The following ARL15 variants were observed in gnomAD, a reference collection of about 807,000 sequenced individuals.
ARL15 encodes ADP-ribosylation factor-like protein 15.
ARL15 carries 19 observed loss-of-function variants against 25.2 expected under a neutral mutation model. That is an observed-to-expected ratio of 0.75 (90% CI 0.53 to 1.10). ARL15 has a LOEUF of 1.10. Among genes scored for constraint, ARL15 ranks in the 50% least tolerant of loss-of-function variants. The pLI, the probability that ARL15 is intolerant of heterozygous loss-of-function variation, is 0.00. For synonymous variants in ARL15, 94 were observed against 86.8 expected (o/e 1.08, Z -0.46); for missense variants, 220 against 246.0 (o/e 0.89, Z 0.71).
chr5:53,961,391 G>C (rs535987490), intron 4 of ARL15, among the ~76,000 whole-genome samples: 1 of 151,274 alleles, frequency 6.6e-6, no homozygotes, highest in Admixed American at 6.6e-5. Context: ...CCAGCTACTC[G>C]GGAGGCTGAG....
intron 1 of ARL15, among the ~76,000 whole-genome samples, chr5:54,178,920 G>T (rs552712430): frequency 6.6e-6 from 1 of 152,292 alleles, no homozygotes; most frequent in East Asian, 1.9e-4. Context: ...AGGAGACATT[G>T]GGAGGGGCGG....
chr5:54,255,838 A>C (rs1195175696), intron 1 of ARL15, among the ~76,000 whole-genome samples: 4 of 152,242 alleles, frequency 2.6e-5, no homozygotes, highest in Admixed American at 2.0e-4. Context: ...TAACAAATCA[A>C]GATGGAAATT....
chr5:53,909,326 C>T (rs1745376943), intron 4 of ARL15, among the ~76,000 whole-genome samples: 1 of 152,168 alleles, frequency 6.6e-6, no homozygotes, highest in Non-Finnish European at 1.5e-5. Flanking sequence ...AGATTATTAA[C>T]TTTTATATAT....
intron 4 of ARL15, among the ~76,000 whole-genome samples, chr5:54,068,678 T>G (rs1412823457): frequency 6.6e-6 from 1 of 152,178 alleles, no homozygotes; most frequent in African/African-American, 2.4e-5. Flanking sequence ...CTGCAGTAAA[T>G]TTATCCTAAT....
At chr5:54,298,790 G>A (rs1758536014) in intron 1 of ARL15, among the ~76,000 whole-genome samples, 1 of 151,986 alleles carries the variant, frequency 6.6e-6, no homozygotes, top group Non-Finnish European at 1.5e-5. Flanking sequence ...TTCCTGGAAA[G>A]TCTCTATCCT....
intron 4 of ARL15, among the ~76,000 whole-genome samples, chr5:54,073,835 G>C (rs1356925695): frequency 6.6e-6 from 1 of 152,192 alleles, no homozygotes; most frequent in Non-Finnish European, 1.5e-5. Context: ...AGCCAGGTGG[G>C]AATGTAGCAG....
intron 1 of ARL15, among the ~76,000 whole-genome samples, chr5:54,260,439 A>G (rs1757473018): frequency 6.6e-6 from 1 of 152,196 alleles, no homozygotes; most frequent in Non-Finnish European, 1.5e-5. Context: ...TATGCTGTTC[A>G]GAGTCTGGTC....
In ARL15 at chr5:54,145,635, T is replaced by C. The variant is rs186495192; in HGVS notation, c.253+8945A>G. Among the ~76,000 whole-genome samples, 85 of 152,278 alleles carry C rather than the reference T, an allele frequency of 5.6e-4. No homozygotes were observed. The East Asian group carries it at 0.014, about 25-fold the overall frequency. On this transcript the variant is annotated intron_variant, in intron 3 of 4. Coordinates refer to ENST00000504924, the MANE Select transcript of ARL15 (RefSeq NM_019087.3). ...GTGTGTGTGTGTGTGTGCGTGCGTG[T>C]GTGTGTGTGTTCACCCACACCTGGG...
intron 1 of ARL15, among the ~76,000 whole-genome samples, chr5:54,237,301 C>A (rs764300027): frequency 6.6e-6 from 1 of 152,204 alleles, no homozygotes; most frequent in Non-Finnish European, 1.5e-5. Context: ...GAGGCCTCAC[C>A]TGCCATGTGG....
intron 4 of ARL15, among the ~76,000 whole-genome samples, chr5:54,027,706 G>A (rs1432190418): frequency 2.6e-5 from 4 of 151,864 alleles, no homozygotes; most frequent in Admixed American, 6.6e-5. Flanking sequence ...TGCAGCACAC[G>A]GGGAACTTTT....
chr5:54,212,945 T>A (rs371293192), intron 1 of ARL15, among the ~76,000 whole-genome samples: 1 of 152,116 alleles, frequency 6.6e-6, no homozygotes, highest in African/African-American at 2.4e-5. Context: ...ACTGGAAAAA[T>A]AAAGTTGTTA....
chr5:53,982,219 A>G (rs914386642), intron 4 of ARL15, among the ~76,000 whole-genome samples: 1 of 150,482 alleles, frequency 6.6e-6, no homozygotes, highest in Admixed American at 6.6e-5. Context: ...TCTGGGATAC[A>G]TACATGTGCA....
intron 4 of ARL15, among the ~76,000 whole-genome samples, chr5:54,084,200 C>T (rs1439134704): frequency 6.6e-6 from 1 of 152,120 alleles, no homozygotes; most frequent in Non-Finnish European, 1.5e-5. Flanking sequence ...GTGGGCTTGG[C>T]ACTCTCAGCC....
chr5:54,156,497 C>G (rs932341652), intron 2 of ARL15, among the ~76,000 whole-genome samples: 1 of 152,174 alleles, frequency 6.6e-6, no homozygotes, highest in Non-Finnish European at 1.5e-5. Flanking sequence ...GTTGATGATT[C>G]AATCATTAGG....
chr5:53,898,583 C>T (rs1217093502), intron 4 of ARL15, among the ~76,000 whole-genome samples: 1 of 152,006 alleles, frequency 6.6e-6, no homozygotes. Flanking sequence ...ATTTGGCAAA[C>T]AATTTTTTTA....
chr5:54,243,105 T>C (rs898499869), intron 1 of ARL15, among the ~76,000 whole-genome samples: 1 of 152,164 alleles, frequency 6.6e-6, no homozygotes, highest in Admixed American at 6.5e-5. Flanking sequence ...AATAATAGAA[T>C]ATTATTACCT....
intron 4 of ARL15, among the ~76,000 whole-genome samples, chr5:54,097,982 C>T (rs960947359): frequency 1.3e-5 from 2 of 152,076 alleles, no homozygotes; most frequent in African/African-American, 2.4e-5. Flanking sequence ...CATTAGGGGT[C>T]GAACATAGGG....
chr5:54,005,081 A>G (rs1748981189), intron 4 of ARL15, among the ~76,000 whole-genome samples: 1 of 152,100 alleles, frequency 6.6e-6, no homozygotes, highest in African/African-American at 2.4e-5. Flanking sequence ...CGCACTCCTG[A>G]GCTGAAGTGA....
chr5:53,968,178 C>T (rs373230770), intron 4 of ARL15, among the ~76,000 whole-genome samples: 4 of 152,258 alleles, frequency 2.6e-5, no homozygotes, highest in African/African-American at 9.6e-5. Flanking sequence ...AAATTATATG[C>T]ACCATGATGT....
Sources: gnomAD v4.1 joint callset for allele counts (sites outside exome capture counted in the v4.1 genomes callset) on GRCh38, gnomAD v4.1.1 for gene constraint, MANE v1.5 for transcripts, NCBI Gene and HGNC (gene_info 2026-07-23, HGNC 2026-07-21) for gene names.